SLC4A7: variants seen among roughly 807,000 people sequenced by gnomAD.
SLC4A7 encodes the protein solute carrier family 4 member 7.
Under a neutral mutation model 137.6 loss-of-function variants are expected in SLC4A7, and 51 were observed. That is an observed-to-expected ratio of 0.37 (90% confidence interval 0.30 to 0.47). SLC4A7 has a LOEUF of 0.47. Among genes scored for constraint, SLC4A7 ranks in the 20% least tolerant of loss-of-function variants. The probability of loss-of-function intolerance (pLI) is 1.00; values close to 1 mark genes in which losing one functional copy is unlikely to be tolerated. For missense variants in SLC4A7, 1,247 were observed against 1,525.4 expected (o/e 0.82, Z 3.04); for synonymous variants, 542 against 518.6 (o/e 1.05, Z -0.61).
chr3:27,396,238 G>T (rs913876934), intron 18 of SLC4A7, among the ~76,000 whole-genome samples: 1 of 151,982 alleles, frequency 6.6e-6, no homozygotes, highest in African/African-American at 2.4e-5. Flanking sequence ...ACTCAATGTT[G>T]TGTATGAACA....
chr3:27,418,904 G>A (rs2054655897), intron 10 of SLC4A7, among the ~76,000 whole-genome samples: 1 of 152,154 alleles, frequency 6.6e-6, no homozygotes, highest in Non-Finnish European at 1.5e-5. Context: ...CTGGGAAATA[G>A]TAATTGATTA....
At chr3:27,429,641 G>T (rs950308931) in intron 7 of SLC4A7, among the ~76,000 whole-genome samples, 28 of 151,992 alleles carry the variant, frequency 1.8e-4, no homozygotes, top group African/African-American at 6.8e-4. Flanking sequence ...TTTGAGGTCA[G>T]GAGTTCAAGA....
In SLC4A7 at chr3:27,397,794, G is replaced by A. The variant is rs1288946567; in HGVS notation, c.2593C>T (p.Arg865Ter). The A allele has an allele frequency of 2.6e-6, 4 of 1,557,734 alleles. No individual in the cohort carries two copies. The highest frequency in any genetic ancestry group is 2.6e-6 in the Non-Finnish European group (3 of 1,132,556). The change falls in exon 18 of 26, where the codon CGA (arginine) becomes TGA (stop). Residue 865 changes from arginine to a stop codon, truncating the protein, a stop_gained. Transcript: ENST00000454389. LOFTEE classifies it high-confidence loss of function. ...ACAGCAAAATCACTGATTGTCGATCGCACCTATGTTAAAGGGATTATGTTA... is the reference window on the plus strand; with the variant it reads ...ACAGCAAAATCACTGATTGTCGATCACACCTATGTTAAAGGGATTATGTTA... ...KTKRYFPTKVRSTISDFAVFL... is the reference protein window; with the variant it reads ...KTKRYFPTKV
At chr3:27,469,064 A>C (rs1441199892) in intron 1 of SLC4A7, among the ~76,000 whole-genome samples, 1 of 151,572 alleles carries the variant, frequency 6.6e-6, no homozygotes, top group African/African-American at 2.4e-5. Context: ...CTGATTTTGC[A>C]CCACTACACT....
rs2051940222 is a variant in SLC4A7, at chr3:27,394,547, G to C, written c.3088C>G (p.Leu1030Val). 3 of 1,613,876 alleles carry C rather than the reference G, an allele frequency of 1.9e-6. No individual in the cohort carries two copies. Among genetic ancestry groups the C allele is most frequent in the Non-Finnish European group, 1.7e-6 (2 of 1,179,904 alleles). ...AGGACTGAAGTCATGAACACAGAGA[G>C]GCCCATTAGAATAAAAATCATTAGC... Reference protein sequence around the residue: ...TGLMIFILMGLSVFMTSVLKF... With the variant: ...TGLMIFILMGVSVFMTSVLKF... Residue 1030 changes from leucine to valine, a missense_variant, in exon 20 of 26, where the codon CTC becomes GTC. By Grantham distance (32) the Leu-to-Val change is conservative. Transcript: ENST00000454389.
chr3:27,428,690 G>A (rs1374477680), intron 7 of SLC4A7, among the ~76,000 whole-genome samples: 1 of 152,096 alleles, frequency 6.6e-6, no homozygotes, highest in East Asian at 1.9e-4. Flanking sequence ...CTGAAAATGG[G>A]TGTGTCCATC....
At chr3:27,472,979 C>T (rs558033452) in intron 1 of SLC4A7, among the ~76,000 whole-genome samples, 7 of 151,966 alleles carry the variant, frequency 4.6e-5, no homozygotes, top group Admixed American at 2.6e-4. Flanking sequence ...ACTCGGGAGG[C>T]TGAGGCAGGG....
At chr3:27,452,536 A>G (rs199818376) in intron 1 of SLC4A7, 38 bp from the exon 2 acceptor site, 1 of 1,408,786 alleles carries the variant, frequency 7.1e-7, no homozygotes, top group Admixed American at 2.0e-5. Context: ...ATGAGATCAC[A>G]ATCTATTGAG....
intron 7 of SLC4A7, 102 bp from the exon 8 acceptor site, chr3:27,424,254 C>G: frequency 1.7e-6 from 1 of 586,134 alleles, no homozygotes; most frequent in Non-Finnish European, 3.0e-6. Flanking sequence ...ATTATAAAAG[C>G]AAATGTGCAA....
intron 7 of SLC4A7, among the ~76,000 whole-genome samples, chr3:27,429,465 T>C (rs1033085444): frequency 2.0e-5 from 3 of 152,100 alleles, no homozygotes; most frequent in Admixed American, 2.0e-4. Flanking sequence ...TCCGAGTCTG[T>C]ATATGATTCC....
intron 1 of SLC4A7, among the ~76,000 whole-genome samples, chr3:27,473,090 A>AG (rs1198262503): frequency 1.3e-5 from 2 of 151,886 alleles, no homozygotes; most frequent in East Asian, 3.9e-4. Flanking sequence ...AAAAAAAAAA[A>AG]AAAGGATTAG....
chr3:27,383,579 AT>A (rs2050649454), intron 23 of SLC4A7, among the ~76,000 whole-genome samples: 3 of 152,230 alleles, frequency 2.0e-5, no homozygotes, highest in Non-Finnish European at 4.4e-5. Context: ...GTGAAACCTT[AT>A]CACAATACAA....
chr3:27,397,577 A>G (rs1292727515), intron 18 of SLC4A7, 107 bp downstream of exon 18: 1 of 656,152 alleles, frequency 1.5e-6, no homozygotes, highest in Non-Finnish European at 2.7e-6. Context: ...TCAGCCCTTC[A>G]AAGAGACTAC....
Position 27,437,370 on chromosome 3 carries a change from G to C in SLC4A7, c.428+18C>G. The C allele has an allele frequency of 6.6e-7, 1 of 1,508,566 alleles. No individual in the cohort carries two copies. Among genetic ancestry groups the C allele is most frequent in the South Asian group, 1.3e-5 (1 of 76,480 alleles). 93.4% of individuals were successfully genotyped at this position (1,508,566 alleles called of 1,614,324 possible). The stretch of plus-strand genomic sequence containing the variant: ...CCATCTCAAAAAAAAAAAAGAGAGA[G>C]AGACTTAGCAGTATTACCTAGCAGT... On this transcript the variant is annotated intron_variant, in intron 4 of 25. Coordinates refer to ENST00000454389, the MANE Select transcript of SLC4A7 (RefSeq NM_001321103.2).
At chr3:27,456,425 T>C (rs2058412531) in intron 1 of SLC4A7, among the ~76,000 whole-genome samples, 1 of 152,224 alleles carries the variant, frequency 6.6e-6, no homozygotes, top group South Asian at 2.1e-4. Context: ...CAAGTAATAT[T>C]AACTATCCAA....
At chr3:27,388,935 AT>A (rs764364214) in intron 22 of SLC4A7, among the ~76,000 whole-genome samples, 21,582 of 151,586 alleles carry the variant, frequency 0.14, 2,106 homozygotes, top group Non-Finnish European at 0.22. Context: ...TGCTCTAGAT[AT>A]TCAAATTTAT....
intron 25 of SLC4A7, among the ~76,000 whole-genome samples, chr3:27,377,512 C>T (rs944654494): frequency 6.6e-6 from 1 of 152,118 alleles, no homozygotes; most frequent in East Asian, 1.9e-4. Context: ...CCTGCCCCAG[C>T]CTCCCGAGTA....
At chr3:27,413,456 G>A (rs2054097405) in intron 11 of SLC4A7, among the ~76,000 whole-genome samples, 2 of 152,066 alleles carry the variant, frequency 1.3e-5, no homozygotes, top group African/African-American at 4.8e-5. Context: ...ATGTGAAGAT[G>A]GCACAAAAAT....
chr3:27,459,971 TTA>T (rs10552466), intron 1 of SLC4A7, among the ~76,000 whole-genome samples: 12,086 of 144,476 alleles, frequency 0.084, 1,512 homozygotes, highest in African/African-American at 0.27. Flanking sequence ...TCAGTGTTAT[TTA>T]TATATATATA....
Sources: gnomAD v4.1 joint callset for allele counts (sites outside exome capture counted in the v4.1 genomes callset) on GRCh38, gnomAD v4.1.1 for gene constraint, MANE v1.5 for transcripts, NCBI Gene and HGNC (gene_info 2026-07-23, HGNC 2026-07-21) for gene names.